Variants in DGKI observed in about 807,000 individuals in gnomAD.
The protein encoded by DGKI is DAG kinase iota.
Under a neutral mutation model 147.5 loss-of-function variants are expected in DGKI, and 55 were observed. The observed-to-expected ratio is 0.37, with a 90% CI of 0.30 to 0.47. The LOEUF (loss-of-function observed/expected upper bound fraction) is 0.47, where lower values mean the gene tolerates loss of function less well. Among genes scored for constraint, DGKI ranks in the 20% least tolerant of loss-of-function variants. The probability of loss-of-function intolerance (pLI) is 1.00; values close to 1 mark genes in which losing one functional copy is unlikely to be tolerated. For missense variants in DGKI, 1,007 were observed against 1,323.8 expected (o/e 0.76, Z 3.71); for synonymous variants, 469 against 477.1 (o/e 0.98, Z 0.22).
chr7:137,482,171 A>C (rs1005269646), intron 23 of DGKI, among the ~76,000 whole-genome samples: 1 of 151,980 alleles, frequency 6.6e-6, no homozygotes, highest in Non-Finnish European at 1.5e-5. Flanking sequence ...AAAATACGGA[A>C]ATCAATCCAT....
At chr7:137,801,443 A>T (rs577162691) in intron 1 of DGKI, among the ~76,000 whole-genome samples, 1 of 152,356 alleles carries the variant, frequency 6.6e-6, no homozygotes, top group African/African-American at 2.4e-5. Context: ...AAAAATAAAC[A>T]ACAAAAGCAT....
At chr7:137,833,036 C>T (rs988268722) in intron 1 of DGKI, among the ~76,000 whole-genome samples, 1 of 152,182 alleles carries the variant, frequency 6.6e-6, no homozygotes, top group African/African-American at 2.4e-5. Context: ...ATTGTTCATG[C>T]CACTATGAGC....
chr7:137,789,508 C>A (rs1204335960), intron 1 of DGKI, among the ~76,000 whole-genome samples: 2 of 152,100 alleles, frequency 1.3e-5, no homozygotes, highest in Middle Eastern at 3.4e-3. Flanking sequence ...GAAACATTAT[C>A]AAACCTTTCC....
chr7:137,837,721 C>T (rs1798426981), intron 1 of DGKI, among the ~76,000 whole-genome samples: 1 of 152,150 alleles, frequency 6.6e-6, no homozygotes, highest in African/African-American at 2.4e-5. Context: ...ATGTTGGTGC[C>T]CTGATCTCAG....
chr7:137,791,192 T>G (rs1796843700), intron 1 of DGKI, among the ~76,000 whole-genome samples: 1 of 152,188 alleles, frequency 6.6e-6, no homozygotes, highest in African/African-American at 2.4e-5. Flanking sequence ...TCTTTCCTTC[T>G]TATCCACTCT....
chr7:137,521,717 T>A, intron 21 of DGKI, 149 bp downstream of exon 21: 1 of 617,272 alleles, frequency 1.6e-6, no homozygotes, highest in South Asian at 1.9e-5. Context: ...CATTATCACT[T>A]GGAGCCCACA....
At chr7:137,496,946 A>C (rs937985381) in intron 21 of DGKI, among the ~76,000 whole-genome samples, 1 of 152,132 alleles carries the variant, frequency 6.6e-6, no homozygotes, top group African/African-American at 2.4e-5. Context: ...AAACAACAAA[A>C]ACTGACAAAT....
intron 1 of DGKI, among the ~76,000 whole-genome samples, chr7:137,784,690 T>C (rs1269972104): frequency 6.6e-6 from 1 of 152,124 alleles, no homozygotes; most frequent in African/African-American, 2.4e-5. Context: ...CATCAGCACA[T>C]GGTACATTCT....
intron 1 of DGKI, among the ~76,000 whole-genome samples, chr7:137,800,329 C>A (rs1279254961): frequency 5.9e-5 from 9 of 152,122 alleles, no homozygotes; most frequent in Non-Finnish European, 1.2e-4. Context: ...GAGGTGGGGC[C>A]TGGTGGGAGG....
At chr7:137,597,991 G>A in intron 11 of DGKI, 84 bp from the exon 12 acceptor site, 1 of 1,231,464 alleles carries the variant, frequency 8.1e-7, no homozygotes, top group Non-Finnish European at 1.2e-6. Context: ...ACATGGGTAG[G>A]TAGGGGTGGT....
intron 23 of DGKI, among the ~76,000 whole-genome samples, chr7:137,478,824 G>A (rs1349037166): frequency 1.3e-5 from 2 of 152,146 alleles, no homozygotes; most frequent in African/African-American, 4.8e-5. Context: ...CACTACACAA[G>A]AACACAAATG....
chr7:137,462,019 G>A (rs1000053471), intron 27 of DGKI, among the ~76,000 whole-genome samples: 12 of 151,908 alleles, frequency 7.9e-5, no homozygotes, highest in African/African-American at 1.7e-4. Flanking sequence ...ATTATGATAC[G>A]TACATCAGTA....
chr7:137,813,867 C>T (rs1393999260), intron 1 of DGKI, among the ~76,000 whole-genome samples: 2 of 152,096 alleles, frequency 1.3e-5, no homozygotes, highest in East Asian at 1.9e-4. Flanking sequence ...TCTAATAACG[C>T]TAATAGTTAT....
chr7:137,394,142 TA>T (rs1013772425), intron 32 of DGKI, among the ~76,000 whole-genome samples: 21 of 152,164 alleles, frequency 1.4e-4, no homozygotes, highest in Admixed American at 1.3e-4. Flanking sequence ...GAGAGTGTTC[TA>T]AAACTCTCAG....
intron 23 of DGKI, among the ~76,000 whole-genome samples, chr7:137,472,340 TA>T (rs374056798): frequency 0.015 from 1,479 of 97,494 alleles, 239 homozygotes; most frequent in African/African-American, 0.087. Context: ...TATATATACA[TA>T]TAATTATTAT....
At chr7:137,444,192 T>G in intron 27 of DGKI, 90 bp from the exon 28 acceptor site, 1 of 797,712 alleles carries the variant, frequency 1.3e-6, no homozygotes, top group Non-Finnish European at 2.0e-6. Context: ...ACCCTCAAAT[T>G]GAATTAAATG....
At chr7:137,666,722 C>T (rs570907328) in intron 3 of DGKI, among the ~76,000 whole-genome samples, 85 of 152,278 alleles carry the variant, frequency 5.6e-4, no homozygotes, top group Non-Finnish European at 9.8e-4. Flanking sequence ...ATCTAGATTA[C>T]TGGGCAGCTC....
At chr7:137,747,259 C>T (rs1216794511) in intron 1 of DGKI, among the ~76,000 whole-genome samples, 1 of 152,130 alleles carries the variant, frequency 6.6e-6, no homozygotes, top group Non-Finnish European at 1.5e-5. Flanking sequence ...TTACTTTCAG[C>T]CCTTGTACTC....
At chr7:137,502,719 C>A (rs1816222291) in intron 21 of DGKI, among the ~76,000 whole-genome samples, 2 of 152,070 alleles carry the variant, frequency 1.3e-5, no homozygotes, top group African/African-American at 4.8e-5. Context: ...ATAACATGCC[C>A]TAAATATTAC....
Sources: allele counts gnomAD v4.1 joint callset (sites outside exome capture counted in the v4.1 genomes callset), GRCh38; gene constraint gnomAD v4.1.1; transcripts MANE v1.5; gene names NCBI Gene and HGNC (gene_info 2026-07-23, HGNC 2026-07-21).